Variants in ARHGAP29 observed in about 807,000 individuals in gnomAD.
The protein encoded by ARHGAP29 is rho GTPase-activating protein 29.
In ARHGAP29, 43 loss-of-function variants were observed where a neutral mutation model predicts 122.6. The observed-to-expected ratio is 0.35, with a 90% CI of 0.27 to 0.45. The LOEUF is 0.45. Among genes scored for constraint, ARHGAP29 ranks in the 20% least tolerant of loss-of-function variants. ARHGAP29 has a pLI of 1.00. For missense variants in ARHGAP29, 1,303 were observed against 1,477.2 expected, an observed-to-expected ratio of 0.88 and a Z score of 1.93; for synonymous variants, 506 against 497.1, an observed-to-expected ratio of 1.02 and a Z score of -0.24.
At chr1:94,215,148 A>G (rs1275658653) in intron 3 of ARHGAP29, among the ~76,000 whole-genome samples, 2 of 151,398 alleles carry the variant, frequency 1.3e-5, no homozygotes, top group Non-Finnish European at 3.0e-5. Flanking sequence ...AGGGAAAAAA[A>G]CCAAAAAAGC....
At chr1:94,297,807 C>A in the ARHGAP29 span, among the ~76,000 whole-genome samples, 1 of 152,098 alleles carries the variant, frequency 6.6e-6, no homozygotes, top group South Asian at 2.1e-4. Flanking sequence ...AGGCCTGGAA[C>A]GGCTGCAGCA....
At chr1:94,296,372 G>T in the ARHGAP29 span, among the ~76,000 whole-genome samples, 5 of 152,184 alleles carry the variant, frequency 3.3e-5, no homozygotes, top group Admixed American at 1.3e-4. Flanking sequence ...CACAAGAGTA[G>T]TGATGCTGGC....
At chr1:94,259,945 C>A (rs1654494657) in intron 1 of ARHGAP29, among the ~76,000 whole-genome samples, 1 of 152,212 alleles carries the variant, frequency 6.6e-6, no homozygotes, top group African/African-American at 2.4e-5. Context: ...GAAGAATGAA[C>A]TTTTCAGAGA....
chr1:94,272,652 C>A (rs1570631872), intron 1 of ARHGAP29, among the ~76,000 whole-genome samples: 1 of 152,216 alleles, frequency 6.6e-6, no homozygotes. Flanking sequence ...TCTCTACTGG[C>A]CTGGCTGAGA....
intron 2 of ARHGAP29, among the ~76,000 whole-genome samples, chr1:94,227,828 A>G (rs1652694076): frequency 6.6e-6 from 1 of 151,868 alleles, no homozygotes. Flanking sequence ...ATATTAATCT[A>G]CAGTGTTATA....
At chr1:94,183,876 G>T (rs1032718549) in intron 19 of ARHGAP29, among the ~76,000 whole-genome samples, 3 of 152,122 alleles carry the variant, frequency 2.0e-5, no homozygotes, top group African/African-American at 7.2e-5. Context: ...TGGAGTTAGG[G>T]GGATGTAACT....
At chr1:94,287,205 T>C in the ARHGAP29 span, among the ~76,000 whole-genome samples, 695 of 152,312 alleles carry the variant, frequency 4.6e-3, 1 homozygote, top group Middle Eastern at 0.014. Context: ...AGAATACTGA[T>C]ATGGTTTGGC....
At chr1:94,285,900 A>G in the ARHGAP29 span, among the ~76,000 whole-genome samples, 6 of 151,928 alleles carry the variant, frequency 3.9e-5, no homozygotes, top group Middle Eastern at 0.017. Context: ...AGAAAAAAAA[A>G]AAGAACTACA....
At chr1:94,241,730 ATATT>A (rs1557884329), upstream of ARHGAP29, among the ~76,000 whole-genome samples, 88 of 131,498 alleles carry the variant, frequency 6.7e-4, no homozygotes, top group African/African-American at 2.3e-3. Context: ...TATATAATAT[ATATT>A]TATATATATA....
chr1:94,183,718 T>C (rs1168639182), intron 19 of ARHGAP29, among the ~76,000 whole-genome samples: 1 of 152,236 alleles, frequency 6.6e-6, no homozygotes, highest in African/African-American at 2.4e-5. Flanking sequence ...CATATAACTG[T>C]GTGGATACTG....
the ARHGAP29 span, among the ~76,000 whole-genome samples, chr1:94,299,351 C>T: frequency 1.3e-5 from 2 of 152,124 alleles, no homozygotes; most frequent in Admixed American, 6.5e-5. Context: ...TTAAACTCAT[C>T]GCTGGCATTT....
chr1:94,202,522 T>C (rs1650910362), intron 11 of ARHGAP29, 22 bp downstream of exon 11: 4 of 1,611,540 alleles, frequency 2.5e-6, no homozygotes, highest in African/African-American at 1.3e-5. Context: ...AACTTGCAAA[T>C]AAAAAAGAAA....
intron 17 of ARHGAP29, 43 bp downstream of exon 17, chr1:94,185,299 C>G: frequency 6.6e-7 from 1 of 1,513,198 alleles, no homozygotes; most frequent in African/African-American, 1.4e-5. Context: ...AAGTATAAAA[C>G]AAAAAGCATA....
At chr1:94,237,162 C>A (rs1411543465) in intron 1 of ARHGAP29, among the ~76,000 whole-genome samples, 1 of 152,210 alleles carries the variant, frequency 6.6e-6, no homozygotes, top group East Asian at 1.9e-4. Context: ...TCCCGGCCAC[C>A]GCTGGCGTCC....
Position 94,269,071 on chromosome 1 carries a change from T to C in ARHGAP29, c.-33+5941A>G, listed in dbSNP as rs141032291. ...TTTCCTCTTTTCTATTTTGAGGGAA[T>C]GTTTATTTCTAAAGAAATAGCTATT... is the stretch of plus-strand genomic sequence containing the variant. On this transcript the variant is annotated intron_variant and NMD_transcript_variant, in intron 1 of 25. Transcript: ENST00000552844. Among the ~76,000 whole-genome samples the C allele has an allele frequency of 1.2e-4, 18 of 152,312 alleles. No homozygotes were observed. In the East Asian group the frequency reaches 2.7e-3, roughly 23 times the overall value.
rs778912927 is a variant in ARHGAP29 at position 94,209,271 on chromosome 1, T to C, written c.420A>G (p.Ala140=). The C allele has an allele frequency of 4.3e-6, 7 of 1,609,558 alleles. No individual in the cohort carries two copies. The African/African-American group carries it at 5.4e-5, about 12-fold the overall frequency. ...CTACTTACATATTTCCAAAGGTAAA[T>C]GCCAAAGTTTCAATAGAAGAAAACA... ...QEVFSSIETL[A]FTFGNILTNF... The change falls in exon 4 of 23, where the codon GCA becomes GCG. Residue 140 remains alanine (A), a synonymous_variant. Transcript: ENST00000260526.
rs368000303 is a variant in ARHGAP29 at position 94,177,881 on chromosome 1, T to C, written c.2767A>G (p.Met923Val). ...TTTGAAGAAAAAAATAGTGACTTCA[T>C]GGAACGTTCAATGTCTCTTTCTTCT... ...SPEERDIERS[M>V]KSLFFSSKED... is the part of the protein sequence containing the mutation. The change falls in exon 21 of 23, where the codon ATG (methionine) becomes GTG (valine). Residue 923 changes from methionine to valine, a missense_variant. By Grantham distance (21) the Met-to-Val change is conservative (BLOSUM62 1). Coordinates refer to ENST00000260526, the MANE Select transcript of ARHGAP29 (RefSeq NM_004815.4). The C allele has an allele frequency of 1.2e-5, 20 of 1,613,106 alleles. No individual in the cohort carries two copies. Among genetic ancestry groups the C allele is most frequent in the Admixed American group, 3.3e-5 (2 of 59,838 alleles).
chr1:94,301,250 C>T, the ARHGAP29 span, among the ~76,000 whole-genome samples: 1 of 152,162 alleles, frequency 6.6e-6, no homozygotes, highest in Non-Finnish European at 1.5e-5. Context: ...GCCTTTTGAT[C>T]TAGTGAATTA....
At chr1:94,265,471 T>C (rs1485663332) in intron 1 of ARHGAP29, among the ~76,000 whole-genome samples, 4 of 152,186 alleles carry the variant, frequency 2.6e-5, no homozygotes, top group African/African-American at 9.7e-5. Context: ...GGCAGTCCAG[T>C]CTCAGACCAT....
Sources: allele counts gnomAD v4.1 joint callset (sites outside exome capture counted in the v4.1 genomes callset), GRCh38; gene constraint gnomAD v4.1.1; transcripts MANE v1.5; gene names NCBI Gene and HGNC (gene_info 2026-07-23, HGNC 2026-07-21).